The following RYR2 variants were observed in gnomAD, a reference collection of about 807,000 sequenced individuals.
RYR2 encodes the protein cardiac muscle ryanodine receptor-calcium release channel.
RYR2 carries 227 observed loss-of-function variants against 601.1 expected under a neutral mutation model. That is an observed-to-expected ratio of 0.38 (90% CI 0.34 to 0.42). The LOEUF is 0.42. Ranked by LOEUF, RYR2 falls within the 10% of genes least tolerant of loss-of-function variation. The pLI is 1.00. For synonymous variants in RYR2, 2,223 were observed against 2,175.1 expected (o/e 1.02, Z -0.61); for missense variants, 4,646 against 6,156.5 (o/e 0.75, Z 8.21).
chr1:237,794,036 A>G, intron 95 of RYR2, 39 bp downstream of exon 95: 1 of 1,565,240 alleles, frequency 6.4e-7, no homozygotes, highest in Middle Eastern at 1.7e-4. Flanking sequence ...GCACTCAAAA[A>G]TTTCAGACAT....
At chr1:237,084,360 A>G (rs56791228) in intron 1 of RYR2, among the ~76,000 whole-genome samples, 24,681 of 152,208 alleles carry the variant, frequency 0.16, 2,365 homozygotes, top group African/African-American at 0.27. Flanking sequence ...ATCAGGCTAC[A>G]TAAGCAGAAA....
intron 84 of RYR2, 137 bp downstream of exon 84, chr1:237,761,165 G>GTTCA (rs1438716557): frequency 7.8e-6 from 5 of 641,204 alleles, no homozygotes; most frequent in Non-Finnish European, 1.4e-5. Flanking sequence ...TCATTTCAAA[G>GTTCA]TTCATAGTTG....
intron 11 of RYR2, among the ~76,000 whole-genome samples, chr1:237,420,389 T>C (rs1217145849): frequency 6.6e-6 from 1 of 152,184 alleles, no homozygotes; most frequent in Non-Finnish European, 1.5e-5. Context: ...CCAATTCCCT[T>C]TGAGGTAATT....
At chr1:237,419,713 AAGT>A (rs1316115176) in intron 11 of RYR2, among the ~76,000 whole-genome samples, 1 of 152,198 alleles carries the variant, frequency 6.6e-6, no homozygotes, top group East Asian at 1.9e-4. Flanking sequence ...AGCAGTAGGA[AAGT>A]AGGAGATTCA....
intron 1 of RYR2, among the ~76,000 whole-genome samples, chr1:237,111,713 CT>C (rs1304287040): frequency 2.6e-5 from 4 of 151,618 alleles, no homozygotes; most frequent in South Asian, 2.1e-4. Context: ...TTGGGATTCT[CT>C]TTAGTTTTTG....
At chr1:237,534,981 A>C (rs535809055) in intron 25 of RYR2, among the ~76,000 whole-genome samples, 3 of 151,990 alleles carry the variant, frequency 2.0e-5, no homozygotes, top group African/African-American at 7.2e-5. Flanking sequence ...TTGTGAGAAC[A>C]CTTAAAATCA....
intron 1 of RYR2, among the ~76,000 whole-genome samples, chr1:237,142,995 C>A (rs1673561304): frequency 6.6e-6 from 1 of 152,114 alleles, no homozygotes; most frequent in African/African-American, 2.4e-5. Context: ...CGTTCGAACA[C>A]CTTCTTCCTT....
intron 1 of RYR2, among the ~76,000 whole-genome samples, chr1:237,187,858 T>C (rs1679542859): frequency 6.6e-6 from 1 of 152,208 alleles, no homozygotes; most frequent in Non-Finnish European, 1.5e-5. Flanking sequence ...GTACACCTTT[T>C]AGAGCAGGGA....
At chr1:237,115,688 G>A (rs959066727) in intron 1 of RYR2, among the ~76,000 whole-genome samples, 1 of 152,176 alleles carries the variant, frequency 6.6e-6, no homozygotes, top group African/African-American at 2.4e-5. Context: ...AAATAGACGC[G>A]TGAAGGTATC....
chr1:237,648,626 C>T lies in RYR2; in HGVS notation c.7512+13C>T, dbSNP rs777383641. ...TTCTTTAGATACGGTGAGATTGGAG[C>T]GATGGACTTCCTCCTCTCTTGACTC... On this transcript the variant is annotated intron_variant, in intron 49 of 104. Coordinates refer to ENST00000366574, the MANE Select transcript of RYR2 (RefSeq NM_001035.3). 1.2e-5 allele frequency: 20 copies of T among 1,602,134 alleles called. No individual in the cohort carries two copies. The highest frequency in any genetic ancestry group is 8.5e-5 in the Admixed American group (5 of 58,668).
rs576354953 is a variant in RYR2, at chr1:237,385,643, G to C, written c.577-1638G>C. Among the ~76,000 whole-genome samples, 11 of 152,294 alleles carry C rather than the reference G, an allele frequency of 7.2e-5. No individual in the cohort carries two copies. The East Asian group carries it at 2.1e-3, about 29-fold the overall frequency. The stretch of plus-strand genomic sequence containing the variant: ...TATTTTGAATTATTTTCAGAGTTTG[G>C]TTAAAATCGGTGTCATTCACATGGA... On this transcript the variant is annotated intron_variant, in intron 8 of 104. Coordinates refer to ENST00000366574, the MANE Select transcript of RYR2 (RefSeq NM_001035.3).
chr1:237,597,516 G>C (rs1332696300), intron 34 of RYR2, among the ~76,000 whole-genome samples: 2 of 151,706 alleles, frequency 1.3e-5, no homozygotes, highest in Non-Finnish European at 2.9e-5. Context: ...TCCTGACCTT[G>C]TGATCCGCTC....
chr1:237,082,680 G>T (rs1459449332), intron 1 of RYR2, among the ~76,000 whole-genome samples: 1 of 151,620 alleles, frequency 6.6e-6, no homozygotes, highest in Non-Finnish European at 1.5e-5. Context: ...AGATGTGTGT[G>T]GGCTGAGTGC....
At chr1:237,702,489 T>C (rs1047184174) in intron 66 of RYR2, among the ~76,000 whole-genome samples, 3 of 152,020 alleles carry the variant, frequency 2.0e-5, no homozygotes, top group Non-Finnish European at 2.9e-5. Flanking sequence ...AGAAAAGGTA[T>C]CCCCAGTAAA....
chr1:237,655,051 T>C (rs553391789), intron 52 of RYR2, among the ~76,000 whole-genome samples: 1 of 152,346 alleles, frequency 6.6e-6, no homozygotes, highest in South Asian at 2.1e-4. Context: ...ATTGGAGTAG[T>C]ATAACCACTA....
intron 1 of RYR2, among the ~76,000 whole-genome samples, chr1:237,107,470 A>C (rs1455847204): frequency 7.9e-6 from 1 of 125,798 alleles, no homozygotes; most frequent in Non-Finnish European, 1.6e-5. Flanking sequence ...CAGTGAGCCG[A>C]GATCGCACCA....
intron 1 of RYR2, among the ~76,000 whole-genome samples, chr1:237,102,632 G>C (rs6664144): frequency 6.6e-6 from 1 of 152,220 alleles, no homozygotes; most frequent in Admixed American, 6.5e-5. Context: ...GAGGAGTGTG[G>C]ATCACTTGAG....
intron 25 of RYR2, among the ~76,000 whole-genome samples, chr1:237,537,951 G>T (rs1232331005): frequency 6.6e-6 from 1 of 152,074 alleles, no homozygotes; most frequent in African/African-American, 2.4e-5. Flanking sequence ...AGCTTCAAGT[G>T]TATTCACTAT....
intron 99 of RYR2, 78 bp from the exon 100 acceptor site, chr1:237,808,823 C>G (rs191649018): frequency 4.2e-5 from 59 of 1,418,590 alleles, no homozygotes; most frequent in Non-Finnish European, 5.6e-5. Flanking sequence ...CTAGAGCACT[C>G]GCCGCCCATG....
Sources: gnomAD v4.1 joint callset for allele counts (sites outside exome capture counted in the v4.1 genomes callset) on GRCh38, gnomAD v4.1.1 for gene constraint, MANE v1.5 for transcripts, NCBI Gene and HGNC (gene_info 2026-07-23, HGNC 2026-07-21) for gene names.